Variants in SENP1 observed in about 807,000 individuals in gnomAD.
SENP1 encodes SUMO specific peptidase 1, also known as sentrin-specific protease 1.
A neutral mutation model predicts 93.0 loss-of-function variants in SENP1; 21 were observed. The ratio of observed to expected loss-of-function variants is 0.23; its 90% CI spans 0.16 to 0.33. The LOEUF is 0.33. Ranked by LOEUF, SENP1 falls within the 10% of genes least tolerant of loss-of-function variation. SENP1 has a pLI of 1.00. For missense variants in SENP1, 591 were observed against 758.7 expected (o/e 0.78, Z 2.60); for synonymous variants, 256 against 259.6 (o/e 0.99, Z 0.13).
intron 1 of SENP1, among the ~76,000 whole-genome samples, chr12:48,101,845 G>A (rs774642686): frequency 3.9e-5 from 6 of 152,162 alleles, no homozygotes; most frequent in Non-Finnish European, 7.4e-5. Flanking sequence ...CAACTACACC[G>A]AAATTATAAC....
At chr12:48,070,095 C>T (rs977360615) in intron 9 of SENP1, among the ~76,000 whole-genome samples, 3 of 152,140 alleles carry the variant, frequency 2.0e-5, no homozygotes, top group Non-Finnish European at 4.4e-5. Flanking sequence ...AAGTTTCATG[C>T]AGAAGTTCAC....
chr12:48,098,269 G>A (rs1430541181), intron 2 of SENP1, 145 bp from the exon 3 acceptor site: 3 of 766,490 alleles, frequency 3.9e-6, no homozygotes, highest in African/African-American at 1.8e-5. Context: ...AGAGGCTGAG[G>A]CAGGAGGATT....
At chr12:48,066,864 T>C (rs1943340990) in intron 10 of SENP1, 63 bp downstream of exon 10, 2 of 1,298,100 alleles carry the variant, frequency 1.5e-6, no homozygotes, top group Non-Finnish European at 2.2e-6. Flanking sequence ...AGCTAATTGT[T>C]TGATTTCTTC....
intron 13 of SENP1, among the ~76,000 whole-genome samples, chr12:48,056,062 A>C (rs1436668602): frequency 1.6e-5 from 2 of 125,370 alleles, no homozygotes; most frequent in Non-Finnish European, 3.1e-5. Flanking sequence ...TGTATACTTA[A>C]TATACAGTAT....
intron 6 of SENP1, among the ~76,000 whole-genome samples, chr12:48,079,613 C>T (rs574832321): frequency 7.8e-4 from 119 of 152,122 alleles, no homozygotes; most frequent in African/African-American, 2.8e-3. Flanking sequence ...AACCCTAAGA[C>T]GAGTGTTTTG....
chr12:48,086,675 T>C (rs996145540), intron 5 of SENP1, among the ~76,000 whole-genome samples: 1 of 152,116 alleles, frequency 6.6e-6, no homozygotes, highest in African/African-American at 2.4e-5. Context: ...AAAATAATGA[T>C]ACCACGAGGA....
chr12:48,081,412 T>A (rs569008498), intron 6 of SENP1: 2 of 151,988 alleles, frequency 1.3e-5, no homozygotes, highest in Admixed American at 1.3e-4. Context: ...ATTTGTGTAA[T>A]GTCAAAAAAA....
At position 48,089,712 on chromosome 12, in the gene SENP1, C is replaced by T. The variant is rs373701102; in HGVS notation, c.221-752G>A. ...GAATAATTTCTATAACCTCCTCTCCCTATCTGCAGAATTGGACAATTTAAA... is the reference window on the plus strand; with the variant it reads ...GAATAATTTCTATAACCTCCTCTCCTTATCTGCAGAATTGGACAATTTAAA... On this transcript the variant is annotated intron_variant, in intron 4 of 17. Transcript: ENST00000549518. 1.6e-3 allele frequency among the ~76,000 whole-genome samples: 249 copies of T among 152,282 alleles called. 2 individuals carry two copies. Among genetic ancestry groups the T allele is most frequent in the African/African-American group, 5.6e-3 (234 of 41,558 alleles).
intron 13 of SENP1, among the ~76,000 whole-genome samples, chr12:48,052,616 C>A (rs1941902684): frequency 6.6e-6 from 1 of 152,132 alleles, no homozygotes; most frequent in Non-Finnish European, 1.5e-5. Context: ...ATTATAGAAA[C>A]CAGGAAGGCA....
chr12:48,074,687 C>T lies in SENP1; in HGVS notation c.656+3G>A. On this transcript the variant is annotated splice_donor_region_variant and intron_variant, in intron 7 of 17. Transcript: ENST00000549518. Reference sequence around the variant, plus strand: ...TCATCTGAAATATGCTTCTGTGACTCACAGGTGTAAAGGAAAATGTGTGGT... The same window carrying T: ...TCATCTGAAATATGCTTCTGTGACTTACAGGTGTAAAGGAAAATGTGTGGT... 1 of 1,611,838 alleles carries T rather than the reference C, an allele frequency of 6.2e-7. No individual in the cohort carries two copies. Among genetic ancestry groups the T allele is most frequent in the Non-Finnish European group, 8.5e-7 (1 of 1,178,454 alleles).
rs1943097601 is a variant in SENP1 at position 48,063,574 on chromosome 12, G to C, written c.1407+136C>G. 16 of 733,012 alleles carry C rather than the reference G, an allele frequency of 2.2e-5. No homozygotes were observed. In the South Asian group the frequency reaches 3.4e-4, roughly 16 times the overall value. The allele number at this position is 733,012 out of a possible 1,614,324, so 45.4% of individuals were successfully genotyped here. A position where few individuals can be genotyped will look rare whatever the true frequency, so the allele number is the denominator to read the frequency against. ...CCACCACACTCCCTCATAGTTACAA[G>C]AATGAAGAGGCCTATGAGAGATGAT... On this transcript the variant is annotated intron_variant, in intron 13 of 17. Coordinates refer to ENST00000549518, the MANE Select transcript of SENP1 (RefSeq NM_001267594.2).
At chr12:48,064,548 C>G (rs1336058999) in intron 12 of SENP1, among the ~76,000 whole-genome samples, 2 of 152,150 alleles carry the variant, frequency 1.3e-5, no homozygotes, top group Admixed American at 1.3e-4. Flanking sequence ...TTCACTGAAA[C>G]TGTTAAAAGC....
chr12:48,105,473 A>G (rs373825605), intron 1 of SENP1: 2 of 519,006 alleles, frequency 3.9e-6, no homozygotes, highest in Non-Finnish European at 7.7e-6. Flanking sequence ...AGGAGGGTCC[A>G]GACGTTTCTT....
At chr12:48,084,762 T>A (rs79814418) in intron 5 of SENP1, among the ~76,000 whole-genome samples, 3,212 of 152,256 alleles carry the variant, frequency 0.021, 51 homozygotes, top group South Asian at 0.056. Context: ...TTGAGTTTTT[T>A]CTATGTGCTC....
chr12:48,051,519 A>T (rs1356371121), intron 13 of SENP1, among the ~76,000 whole-genome samples: 1 of 152,244 alleles, frequency 6.6e-6, no homozygotes, highest in Non-Finnish European at 1.5e-5. Context: ...TCTGGATTCA[A>T]GTCTTTCTCC....
At chr12:48,069,817 T>C (rs187787691) in intron 9 of SENP1, among the ~76,000 whole-genome samples, 88 of 152,154 alleles carry the variant, frequency 5.8e-4, no homozygotes, top group Admixed American at 5.7e-3. Context: ...CTATGAAGTC[T>C]CCCCAAAAGA....
At chr12:48,085,375 C>T (rs1202202637) in intron 5 of SENP1, 7 of 1,361,322 alleles carry the variant, frequency 5.1e-6, no homozygotes, top group Non-Finnish European at 6.3e-6. Flanking sequence ...AAGGACTCCA[C>T]CCTGCGGAGG....
At position 48,044,922 on chromosome 12, in the gene SENP1, C is replaced by T. The variant is rs1317298485; in HGVS notation, c.*400G>A. The T allele has an allele frequency of 1.5e-5, 3 of 193,644 alleles. No homozygotes were observed. In the East Asian group the frequency reaches 3.4e-4, roughly 22 times the overall value. The allele number at this position is 193,644 out of a possible 1,614,324, so 12.0% of individuals were successfully genotyped here. On this transcript the variant is annotated 3_prime_UTR_variant, in exon 18 of 18. Coordinates refer to ENST00000549518, the MANE Select transcript of SENP1 (RefSeq NM_001267594.2). ...GGTGGTTTTTATCCCTACCTTTTGC[C>T]CATGCCCTTTCCTACTTCTTAGTAA...
Position 48,083,573 on chromosome 12 carries a change from G to A in SENP1, c.552+18C>T. 6.2e-7 allele frequency: 1 copy of A among 1,608,082 alleles called. No homozygotes were observed. Among genetic ancestry groups the A allele is most frequent in the Non-Finnish European group, 8.5e-7 (1 of 1,176,696 alleles). On this transcript the variant is annotated intron_variant, in intron 6 of 17. Coordinates refer to ENST00000549518, the MANE Select transcript of SENP1 (RefSeq NM_001267594.2). ...AAGATCCTAACTTTTAGTAGCTTTT[G>A]TCACACGTTTTCCTTACCTCTTCTG...
Sources: allele counts gnomAD v4.1 joint callset (sites outside exome capture counted in the v4.1 genomes callset), GRCh38; gene constraint gnomAD v4.1.1; transcripts MANE v1.5; gene names NCBI Gene and HGNC (gene_info 2026-07-23, HGNC 2026-07-21).